The following NAALADL2 variants were observed in gnomAD, a reference collection of about 807,000 sequenced individuals.
NAALADL2 encodes the protein N-acetylated alpha-linked acidic dipeptidase like 2.
A neutral mutation model predicts 87.2 loss-of-function variants in NAALADL2; 76 were observed. That is an observed-to-expected ratio of 0.87 (90% confidence interval 0.72 to 1.05). NAALADL2 has a LOEUF of 1.05. NAALADL2 is among the 50% of genes least tolerant of loss of function. NAALADL2 has a pLI of 0.00. For missense variants in NAALADL2, 1,089 were observed against 945.8 expected (o/e 1.15, Z -1.99); for synonymous variants, 354 against 331.0 (o/e 1.07, Z -0.75).
At chr3:175,206,905 A>G (rs1741016419) in intron 2 of NAALADL2, among the ~76,000 whole-genome samples, 1 of 152,110 alleles carries the variant, frequency 6.6e-6, no homozygotes, top group Admixed American at 6.6e-5. Flanking sequence ...GTCTTTAAAG[A>G]TTGAACTCAT....
At chr3:175,679,160 T>C (rs1735251783) in intron 11 of NAALADL2, among the ~76,000 whole-genome samples, 1 of 152,094 alleles carries the variant, frequency 6.6e-6, no homozygotes, top group African/African-American at 2.4e-5. Flanking sequence ...TTCACTTCTT[T>C]TGTGATTCTT....
At chr3:175,665,444 G>A (rs1732831428) in intron 11 of NAALADL2, among the ~76,000 whole-genome samples, 1 of 152,112 alleles carries the variant, frequency 6.6e-6, no homozygotes, top group Non-Finnish European at 1.5e-5. Flanking sequence ...GAGAACCACA[G>A]ACTAAGTGTT....
chr3:175,049,803 T>C (rs1180757715), intron 1 of NAALADL2, among the ~76,000 whole-genome samples: 2 of 152,216 alleles, frequency 1.3e-5, no homozygotes, highest in South Asian at 2.1e-4. Flanking sequence ...GATTCTGTAA[T>C]AGAGGAAGAC....
intron 9 of NAALADL2, among the ~76,000 whole-genome samples, chr3:175,505,761 G>C (rs1730222786): frequency 6.6e-6 from 1 of 152,136 alleles, no homozygotes. Flanking sequence ...TTCTGAGAAA[G>C]AATAAATGAG....
At chr3:174,688,574 A>C (rs1167414472) in intron 2 of NAALADL2, among the ~76,000 whole-genome samples, 2 of 152,092 alleles carry the variant, frequency 1.3e-5, no homozygotes, top group Non-Finnish European at 2.9e-5. Flanking sequence ...GGCTGTTATT[A>C]TTCTTCTCAA....
intron 9 of NAALADL2, among the ~76,000 whole-genome samples, chr3:175,536,597 A>G (rs1734846333): frequency 6.6e-6 from 1 of 152,156 alleles, no homozygotes; most frequent in Non-Finnish European, 1.5e-5. Context: ...AAAGATGGAA[A>G]TTTTTAAAAG....
At chr3:175,630,916 A>C (rs1280457027) in intron 11 of NAALADL2, among the ~76,000 whole-genome samples, 1 of 151,686 alleles carries the variant, frequency 6.6e-6, no homozygotes, top group Non-Finnish European at 1.5e-5. Flanking sequence ...TTATGTCAAT[A>C]TTAAAGCATT....
chr3:175,031,195 T>C (rs937383127), intron 1 of NAALADL2, among the ~76,000 whole-genome samples: 1 of 152,028 alleles, frequency 6.6e-6, no homozygotes, highest in African/African-American at 2.4e-5. Flanking sequence ...GTACATTGTA[T>C]GATGCTTCGG....
chr3:175,787,774 A>T (rs1560015185), intron 13 of NAALADL2, among the ~76,000 whole-genome samples: 1 of 152,220 alleles, frequency 6.6e-6, no homozygotes, highest in Non-Finnish European at 1.5e-5. Flanking sequence ...TATAAAAAAA[A>T]GAAAATATTT....
intron 2 of NAALADL2, among the ~76,000 whole-genome samples, chr3:175,142,823 C>G (rs1435687329): frequency 2.6e-5 from 4 of 151,908 alleles, no homozygotes; most frequent in Non-Finnish European, 5.9e-5. Context: ...TTTAACTTGT[C>G]AAACTCTATT....
intron 2 of NAALADL2, among the ~76,000 whole-genome samples, chr3:174,557,912 C>G (rs1313221503): frequency 6.6e-6 from 1 of 152,126 alleles, no homozygotes; most frequent in Non-Finnish European, 1.5e-5. Flanking sequence ...CTTAATTCCT[C>G]CAGCAATGAT....
intron 5 of NAALADL2, among the ~76,000 whole-genome samples, chr3:175,367,181 G>A (rs866482058): frequency 3.4e-4 from 52 of 151,462 alleles, no homozygotes; most frequent in African/African-American, 6.8e-4. Context: ...GATATGCGGC[G>A]TTATTTCTGA....
intron 2 of NAALADL2, among the ~76,000 whole-genome samples, chr3:174,689,441 G>A (rs1365112029): frequency 1.3e-5 from 2 of 150,610 alleles, no homozygotes; most frequent in Non-Finnish European, 3.0e-5. Context: ...TGCTTGTCAT[G>A]GATCATCTTC....
intron 2 of NAALADL2, among the ~76,000 whole-genome samples, chr3:175,231,533 C>A (rs375340994): frequency 1.8e-4 from 28 of 152,114 alleles, no homozygotes; most frequent in African/African-American, 6.5e-4. Context: ...CAGTTGAGCC[C>A]TAAAAGAAGT....
chr3:174,738,259 TA>T (rs1733402653), intron 3 of NAALADL2, among the ~76,000 whole-genome samples: 1 of 152,166 alleles, frequency 6.6e-6, no homozygotes, highest in South Asian at 2.1e-4. Context: ...CATTATGGCT[TA>T]ATACGTATAA....
At chr3:175,787,676 G>A (rs1290330365) in intron 13 of NAALADL2, among the ~76,000 whole-genome samples, 23 of 151,894 alleles carry the variant, frequency 1.5e-4, no homozygotes, top group Admixed American at 2.6e-4. Context: ...CGTCTTCTGC[G>A]TCGCTCACGC....
chr3:174,882,799 G>A lies in NAALADL2; in HGVS notation c.43+23349G>A, dbSNP rs13327571. On this transcript the variant is annotated intron_variant, in intron 1 of 13. Transcript: ENST00000454872. ...TATATACATATGTGTATATATACACGTGTGTATATGTGCATATGTGTATAT... is the reference window on the plus strand; with the variant it reads ...TATATACATATGTGTATATATACACATGTGTATATGTGCATATGTGTATAT... 6.2e-4 allele frequency among the ~76,000 whole-genome samples: 60 copies of A among 97,328 alleles called. 1 individual carries two copies. The highest frequency in any genetic ancestry group is 2.9e-3 in the African/African-American group (49 of 17,084). The allele number at this position is 97,328 out of a possible 152,430, so 63.9% of individuals were successfully genotyped here. A position where few individuals can be genotyped will look rare whatever the true frequency, so the allele number is the denominator to read the frequency against.
At chr3:175,360,799 G>C (rs538786401) in intron 5 of NAALADL2, among the ~76,000 whole-genome samples, 55 of 147,214 alleles carry the variant, frequency 3.7e-4, no homozygotes, top group African/African-American at 1.4e-3. Flanking sequence ...TTATGGCTGA[G>C]TAATATTCCA....
intron 10 of NAALADL2, among the ~76,000 whole-genome samples, chr3:175,599,433 A>G (rs1019135328): frequency 3.9e-5 from 6 of 152,140 alleles, no homozygotes; most frequent in African/African-American, 1.4e-4. Flanking sequence ...AAGTTTAAGT[A>G]GCTTTTATAG....
Sources: allele counts gnomAD v4.1 joint callset (sites outside exome capture counted in the v4.1 genomes callset), GRCh38; gene constraint gnomAD v4.1.1; transcripts MANE v1.5; gene names NCBI Gene and HGNC (gene_info 2026-07-23, HGNC 2026-07-21).